GPBP1L1: variants seen among roughly 807,000 people sequenced by gnomAD.
GPBP1L1 encodes vasculin-like protein 1.
Under a neutral mutation model 52.5 loss-of-function variants are expected in GPBP1L1, and 23 were observed. The observed-to-expected ratio is 0.44, with a 90% confidence interval of 0.32 to 0.62. The LOEUF is 0.62. GPBP1L1 is among the 20% of genes least tolerant of loss of function. The pLI is 0.06. For missense variants in GPBP1L1, 596 were observed against 579.3 expected (o/e 1.03, Z -0.30); for synonymous variants, 243 against 203.1 (o/e 1.20, Z -1.67).
intron 2 of GPBP1L1, among the ~76,000 whole-genome samples, chr1:45,685,312 A>G (rs572129077): frequency 7.9e-5 from 12 of 152,356 alleles, no homozygotes; most frequent in African/African-American, 2.9e-4. Context: ...TTACTTTTGG[A>G]TAAGATTTAC....
At chr1:45,637,140 A>G (rs537197027) in intron 8 of GPBP1L1, among the ~76,000 whole-genome samples, 5 of 152,306 alleles carry the variant, frequency 3.3e-5, no homozygotes, top group African/African-American at 4.8e-5. Flanking sequence ...TTTTTTTCAA[A>G]TAACTCTTTC....
At position 45,660,457 on chromosome 1, in the gene GPBP1L1, A is replaced by AG. The variant is rs369502517; in HGVS notation, c.-330dup. The AG allele has an allele frequency of 1.0e-6, 1 of 968,058 alleles. No individual in the cohort carries two copies. Among genetic ancestry groups the AG allele is most frequent in the Non-Finnish European group, 1.2e-6 (1 of 814,604 alleles). 60.0% of individuals were successfully genotyped at this position (968,058 alleles called of 1,614,324 possible). On this transcript the variant is annotated 5_prime_UTR_variant, in exon 3 of 13. Coordinates refer to ENST00000355105, the MANE Select transcript of GPBP1L1 (RefSeq NM_021639.5). ...TAAAAAGTATTTGTTACATTTAAAA[A>AG]GGGGGGGAAGGGGAAAGAGCTGTAT...
chr1:45,641,726 GA>G (rs1644676392), intron 7 of GPBP1L1: 1 of 142,606 alleles, frequency 7.0e-6, no homozygotes, highest in Admixed American at 7.6e-5. Context: ...TGAGGCAGGA[GA>G]AAAGCTTGAA....
chr1:45,653,142 TGAGGGTA>T (rs1644839204), intron 6 of GPBP1L1, among the ~76,000 whole-genome samples: 2 of 152,166 alleles, frequency 1.3e-5, no homozygotes, highest in Non-Finnish European at 2.9e-5. Context: ...TTCCTAGACT[TGAGGGTA>T]GAGGAGCTAA....
At chr1:45,640,164 C>T (rs776023287) in intron 8 of GPBP1L1, 46 bp downstream of exon 8, 1 of 1,461,854 alleles carries the variant, frequency 6.8e-7, no homozygotes, top group Non-Finnish European at 9.4e-7. Flanking sequence ...TGATTTATTC[C>T]CAAACCTCTC....
intron 2 of GPBP1L1, among the ~76,000 whole-genome samples, chr1:45,667,172 T>C (rs11211157): frequency 0.29 from 43,320 of 151,860 alleles, 6,256 homozygotes; most frequent in South Asian, 0.37. Flanking sequence ...CACACTTTTT[T>C]AATTGCTTAT....
intron 7 of GPBP1L1, among the ~76,000 whole-genome samples, chr1:45,640,627 A>T (rs1014233869): frequency 6.6e-6 from 1 of 152,226 alleles, no homozygotes; most frequent in Non-Finnish European, 1.5e-5. Context: ...TTTATAAATC[A>T]GCCAGGAAGT....
intron 7 of GPBP1L1, among the ~76,000 whole-genome samples, chr1:45,640,738 G>A (rs1302586524): frequency 6.6e-6 from 1 of 152,214 alleles, no homozygotes; most frequent in Non-Finnish European, 1.5e-5. Context: ...GCCAGGCACT[G>A]TGGCTCATGC....
At chr1:45,678,569 G>A (rs1475637472) in intron 2 of GPBP1L1, among the ~76,000 whole-genome samples, 1 of 152,046 alleles carries the variant, frequency 6.6e-6, no homozygotes, top group Non-Finnish European at 1.5e-5. Flanking sequence ...ATAAACTTTA[G>A]AGAAAAATAC....
At chr1:45,655,421 T>C (rs1185302856) in intron 4 of GPBP1L1, 102 bp from the exon 5 acceptor site, 10 of 1,306,932 alleles carry the variant, frequency 7.7e-6, no homozygotes, top group Admixed American at 2.0e-5. Context: ...CAAGTAATAA[T>C]GGTGATAGAA....
At chr1:45,666,667 T>G (rs1450091326) in intron 2 of GPBP1L1, among the ~76,000 whole-genome samples, 11 of 152,206 alleles carry the variant, frequency 7.2e-5, no homozygotes, top group Non-Finnish European at 1.6e-4. Flanking sequence ...GATTAAACAC[T>G]GAGGCACCAT....
intron 2 of GPBP1L1, among the ~76,000 whole-genome samples, chr1:45,671,278 C>T (rs1449341988): frequency 2.9e-5 from 4 of 139,824 alleles, no homozygotes; most frequent in Non-Finnish European, 6.0e-5. Flanking sequence ...GGTGTGATCT[C>T]AGCTCACTGC....
intron 11 of GPBP1L1, among the ~76,000 whole-genome samples, chr1:45,630,154 T>C (rs898759266): frequency 1.3e-5 from 2 of 152,212 alleles, no homozygotes; most frequent in Non-Finnish European, 2.9e-5. Context: ...TTTCGCCATG[T>C]TGGCCAAGCT....
At position 45,654,817 on chromosome 1, in the gene GPBP1L1, T is replaced by A. The variant is rs1201871264; in HGVS notation, c.203A>T (p.Gln68Leu). The A allele has an allele frequency of 6.2e-7, 1 of 1,613,952 alleles. No individual in the cohort carries two copies. The highest frequency in any genetic ancestry group is 1.3e-5 in the African/African-American group (1 of 75,052). ...PLRTAGDSWH[Q>L]PSLFRHDSVD... is the part of the protein sequence containing the mutation. The stretch of plus-strand genomic sequence containing the variant: ...AGAATCATGGCGGAACAGGGAGGGC[T>A]GGTGCCAAGAATCTAGAATAGTAAA... The change falls in exon 6 of 13, where the codon CAG becomes CTG. Residue 68 changes from glutamine (Q) to leucine (L), a missense_variant. Physicochemically the swap from Gln to Leu is moderately radical, Grantham distance 113. Transcript: ENST00000355105.
At chr1:45,672,687 C>T (rs373728811) in intron 2 of GPBP1L1, among the ~76,000 whole-genome samples, 2 of 151,866 alleles carry the variant, frequency 1.3e-5, no homozygotes, top group Non-Finnish European at 2.9e-5. Flanking sequence ...ACAAAGTGAA[C>T]GTAAAAAGAG....
chr1:45,683,812 C>T (rs1330438556), intron 2 of GPBP1L1, among the ~76,000 whole-genome samples: 1 of 149,256 alleles, frequency 6.7e-6, no homozygotes. Context: ...GTCCCAGCTA[C>T]TAGGGAGGTT....
chr1:45,662,315 A>G (rs529495621), intron 2 of GPBP1L1, among the ~76,000 whole-genome samples: 4 of 152,100 alleles, frequency 2.6e-5, no homozygotes, highest in Non-Finnish European at 5.9e-5. Context: ...CTAATTAAAA[A>G]ACATTTTTTT....
At chr1:45,650,925 CTCT>C (rs1434494231) in intron 6 of GPBP1L1, 3 of 294,402 alleles carry the variant, frequency 1.0e-5, no homozygotes, top group African/African-American at 4.4e-5. Flanking sequence ...TCTGCTTTCT[CTCT>C]TCAAGTTAAT....
intron 9 of GPBP1L1, 125 bp from the exon 10 acceptor site, chr1:45,633,772 C>T: frequency 9.6e-7 from 1 of 1,044,216 alleles, no homozygotes; most frequent in Non-Finnish European, 1.4e-6. Context: ...ACCAAACAAT[C>T]CTTTTATTTA....
Sources: allele counts gnomAD v4.1 joint callset (sites outside exome capture counted in the v4.1 genomes callset), GRCh38; gene constraint gnomAD v4.1.1; transcripts MANE v1.5; gene names NCBI Gene and HGNC (gene_info 2026-07-23, HGNC 2026-07-21).